Variants in FMNL2 observed in about 807,000 individuals in gnomAD.
FMNL2 encodes formin-like protein 2.
In FMNL2, 51 loss-of-function variants were observed where a neutral mutation model predicts 130.2. The observed-to-expected ratio is 0.39, with a 90% CI of 0.31 to 0.49. The LOEUF is 0.49. Among genes scored for constraint, FMNL2 ranks in the 20% least tolerant of loss-of-function variants. The probability of loss-of-function intolerance (pLI) is 0.85; values close to 1 mark genes in which losing one functional copy is unlikely to be tolerated. For synonymous variants in FMNL2, 465 were observed against 467.1 expected, an observed-to-expected ratio of 1.00 and a Z score of 0.06; for missense variants, 977 against 1,316.2, an observed-to-expected ratio of 0.74 and a Z score of 3.99.
chr2:152,576,980 A>C (rs1180892210), intron 7 of FMNL2, among the ~76,000 whole-genome samples: 2 of 152,222 alleles, frequency 1.3e-5, no homozygotes, highest in Non-Finnish European at 2.9e-5. Context: ...GTGGAAAGCT[A>C]TTGAATGGTT....
At position 152,335,621 on chromosome 2, in the gene FMNL2, C is replaced by G; in HGVS notation, c.18C>G (p.Ser6Arg). The G allele has an allele frequency of 6.3e-7, 1 of 1,591,288 alleles. No individual in the cohort carries two copies. MGNAG[S>R]MDSQQTDFRA... ...CCGCCGACATGGGCAACGCAGGGAG[C>G]ATGGATTCGCAGCAGACCGATTTCA... Residue 6 changes from serine to arginine, a missense_variant, in exon 1 of 26, where the codon AGC becomes AGG. Physicochemically the swap from Ser to Arg is moderately radical, Grantham distance 110 (BLOSUM62 -1). Around this residue, in one of 4 missense-constraint regions of FMNL2, gnomAD observed 117 missense variants for 134.9 expected, o/e 0.87. Coordinates refer to ENST00000288670, the MANE Select transcript of FMNL2 (RefSeq NM_052905.4).
At chr2:152,372,476 C>G (rs1429900186) in intron 1 of FMNL2, among the ~76,000 whole-genome samples, 2 of 152,130 alleles carry the variant, frequency 1.3e-5, no homozygotes, top group Non-Finnish European at 2.9e-5. Flanking sequence ...ACATAGGGTT[C>G]TTTGGGAGAA....
chr2:152,469,795 C>T (rs985421238), intron 1 of FMNL2, among the ~76,000 whole-genome samples: 12 of 152,108 alleles, frequency 7.9e-5, no homozygotes, highest in African/African-American at 2.9e-4. Flanking sequence ...AGTTTTCCCA[C>T]CTTGTAAAAT....
intron 9 of FMNL2, among the ~76,000 whole-genome samples, chr2:152,600,961 A>C (rs1241277798): frequency 6.6e-6 from 1 of 152,308 alleles, no homozygotes; most frequent in Non-Finnish European, 1.5e-5. Context: ...TGGAGCTTCC[A>C]TGCCAGTCAG....
At chr2:152,642,819 C>T (rs1683213137) in intron 25 of FMNL2, among the ~76,000 whole-genome samples, 1 of 152,130 alleles carries the variant, frequency 6.6e-6, no homozygotes, top group African/African-American at 2.4e-5. Flanking sequence ...ACCAGCCTGG[C>T]CACATGGTGA....
chr2:152,390,530 G>C, intron 1 of FMNL2: 1 of 1,543,974 alleles, frequency 6.5e-7, no homozygotes, highest in South Asian at 1.1e-5. Context: ...AGAGACAGAA[G>C]TCCATGGGGC....
intron 25 of FMNL2, among the ~76,000 whole-genome samples, chr2:152,647,046 C>T (rs1683650307): frequency 6.6e-6 from 1 of 152,180 alleles, no homozygotes; most frequent in African/African-American, 2.4e-5. Flanking sequence ...GCCCACACAA[C>T]TACTTCTTGC....
intron 1 of FMNL2, among the ~76,000 whole-genome samples, chr2:152,451,369 C>T (rs1053926134): frequency 1.3e-5 from 2 of 151,964 alleles, no homozygotes; most frequent in African/African-American, 4.8e-5. Flanking sequence ...AGGCTGGTCT[C>T]GAACTCCTGA....
At chr2:152,595,253 T>C (rs143898966) in intron 9 of FMNL2, among the ~76,000 whole-genome samples, 1 of 152,346 alleles carries the variant, frequency 6.6e-6, no homozygotes, top group Non-Finnish European at 1.5e-5. Flanking sequence ...AGAACATGTT[T>C]AGCACATTGG....
intron 1 of FMNL2, among the ~76,000 whole-genome samples, chr2:152,406,472 C>T (rs1308857785): frequency 6.6e-6 from 1 of 152,086 alleles, no homozygotes; most frequent in Non-Finnish European, 1.5e-5. Context: ...GGCTTCTTCC[C>T]CTTTTGAGTG....
rs115487520 is a variant in FMNL2 at position 152,458,686 on chromosome 2, G to A, written c.118-63257G>A. Among the ~76,000 whole-genome samples, 1,391 of 152,278 alleles carry A rather than the reference G, an allele frequency of 9.1e-3. 27 individuals carry two copies. The highest frequency in any genetic ancestry group is 0.032 in the African/African-American group (1,313 of 41,542). ...GACACTGATTACATGTTCTGGTATG[G>A]GGTCAAGAAGTTTGGCATGAAACGG... On this transcript the variant is annotated intron_variant, in intron 1 of 25. Transcript: ENST00000288670.
chr2:152,589,991 GTATATGTA>G (rs1697326489), intron 9 of FMNL2, among the ~76,000 whole-genome samples: 1 of 88,816 alleles, frequency 1.1e-5, no homozygotes, highest in African/African-American at 4.5e-5. Flanking sequence ...ATATGTATAT[GTATATGTA>G]TATATATATA....
chr2:152,593,916 AGAGAGAGAGAGC>A (rs1249033712), intron 9 of FMNL2, among the ~76,000 whole-genome samples: 1 of 150,756 alleles, frequency 6.6e-6, no homozygotes, highest in Non-Finnish European at 1.5e-5. Flanking sequence ...AGAGAGAGAG[AGAGAGAGAGAGC>A]GAGAGAGAGC....
At chr2:152,417,266 G>A (rs1186476354) in intron 1 of FMNL2, among the ~76,000 whole-genome samples, 1 of 152,132 alleles carries the variant, frequency 6.6e-6, no homozygotes, top group Non-Finnish European at 1.5e-5. Context: ...GTGATTGAGA[G>A]GTGTCTGTTG....
chr2:152,531,302 T>C (rs1693672239), intron 2 of FMNL2, among the ~76,000 whole-genome samples: 1 of 152,198 alleles, frequency 6.6e-6, no homozygotes, highest in Admixed American at 6.5e-5. Flanking sequence ...CTTCTCTGCC[T>C]ATCCTTAGAT....
chr2:152,466,761 T>C (rs1011979410), intron 1 of FMNL2, among the ~76,000 whole-genome samples: 3 of 152,182 alleles, frequency 2.0e-5, no homozygotes, highest in Non-Finnish European at 4.4e-5. Context: ...TTAGCTCTCC[T>C]TGTACTTTAT....
chr2:152,436,916 GA>G (rs1349588978), intron 1 of FMNL2, among the ~76,000 whole-genome samples: 1 of 152,198 alleles, frequency 6.6e-6, no homozygotes, highest in Non-Finnish European at 1.5e-5. Context: ...AGTTTGGGCT[GA>G]AATAACAAAA....
intron 6 of FMNL2, among the ~76,000 whole-genome samples, chr2:152,574,534 A>T (rs1329608735): frequency 6.6e-6 from 1 of 152,272 alleles, no homozygotes; most frequent in Middle Eastern, 3.4e-3. Context: ...ATGCAGAAAT[A>T]TGACACTGTA....
chr2:152,534,140 G>C (rs1039887323), intron 2 of FMNL2, among the ~76,000 whole-genome samples: 1 of 152,098 alleles, frequency 6.6e-6, no homozygotes, highest in African/African-American at 2.4e-5. Context: ...AAGTGGTAAG[G>C]GTAGGATGAT....
Sources: allele counts gnomAD v4.1 joint callset (sites outside exome capture counted in the v4.1 genomes callset), GRCh38; gene constraint gnomAD v4.1.1; regional missense constraint gnomAD v4.1.1; transcripts MANE v1.5; gene names NCBI Gene and HGNC (gene_info 2026-07-23, HGNC 2026-07-21).